Variants in PTPRQ observed in about 807,000 individuals in gnomAD.
PTPRQ encodes the protein phosphatidylinositol phosphatase PTPRQ.
A neutral mutation model predicts 246.0 loss-of-function variants in PTPRQ; 199 were observed. The ratio of observed to expected loss-of-function variants is 0.81; its 90% CI spans 0.72 to 0.91. The LOEUF is 0.91. Among genes scored for constraint, PTPRQ ranks in the 40% least tolerant of loss-of-function variants. The probability of loss-of-function intolerance (pLI) is 0.00; values close to 1 mark genes in which losing one functional copy is unlikely to be tolerated. For missense variants in PTPRQ, 2,624 were observed against 2,528.4 expected (o/e 1.04, Z -0.81); for synonymous variants, 869 against 853.2 (o/e 1.02, Z -0.32).
intron 25 of PTPRQ, among the ~76,000 whole-genome samples, chr12:80,568,454 T>G (rs1157609895): frequency 6.6e-6 from 1 of 152,184 alleles, no homozygotes; most frequent in Admixed American, 6.6e-5. Flanking sequence ...GTTTTGCTGT[T>G]TTTTACTTCC....
intron 25 of PTPRQ, among the ~76,000 whole-genome samples, chr12:80,572,495 C>T (rs1048234138): frequency 2.0e-5 from 3 of 151,880 alleles, no homozygotes; most frequent in African/African-American, 7.3e-5. Flanking sequence ...AACTCCATGA[C>T]TTTATTGTTT....
At chr12:80,458,695 T>A (rs1893053503) in intron 4 of PTPRQ, among the ~76,000 whole-genome samples, 3 of 152,100 alleles carry the variant, frequency 2.0e-5, no homozygotes, top group Admixed American at 6.6e-5. Context: ...TAATTCTAGC[T>A]TCATATTGGT....
intron 25 of PTPRQ, among the ~76,000 whole-genome samples, chr12:80,567,325 A>T (rs775050517): frequency 6.6e-6 from 1 of 152,188 alleles, no homozygotes; most frequent in Non-Finnish European, 1.5e-5. Context: ...GTACATTTTT[A>T]TGGGAAAGCT....
intron 8 of PTPRQ, among the ~76,000 whole-genome samples, chr12:80,475,907 A>G (rs1195604471): frequency 6.6e-6 from 1 of 152,122 alleles, no homozygotes; most frequent in Non-Finnish European, 1.5e-5. Context: ...AGTAAAATAT[A>G]TATAGTTTTC....
At chr12:80,661,012 G>A (rs1048369680) in intron 39 of PTPRQ, among the ~76,000 whole-genome samples, 5 of 151,744 alleles carry the variant, frequency 3.3e-5, no homozygotes, top group African/African-American at 7.3e-5. Context: ...TTAGTACCAC[G>A]TAAGGATGGA....
At chr12:80,662,437 C>G (rs1900662205) in intron 39 of PTPRQ, among the ~76,000 whole-genome samples, 1 of 151,892 alleles carries the variant, frequency 6.6e-6, no homozygotes. Flanking sequence ...ACATATGCTT[C>G]AGAGTTCAAA....
intron 41 of PTPRQ, 124 bp downstream of exon 41, chr12:80,669,588 G>T: frequency 7.5e-7 from 1 of 1,331,908 alleles, no homozygotes; most frequent in South Asian, 1.7e-5. Context: ...CAATGCTTTT[G>T]TATTGTCTTC....
intron 22 of PTPRQ, 49 bp from the exon 23 acceptor site, chr12:80,542,681 T>C: frequency 6.6e-7 from 1 of 1,506,310 alleles, no homozygotes; most frequent in Non-Finnish European, 8.8e-7. Flanking sequence ...GTGCTATTTT[T>C]ATGTTAAAAG....
chr12:80,592,218 T>A (rs1479866342), intron 26 of PTPRQ, among the ~76,000 whole-genome samples: 3 of 152,188 alleles, frequency 2.0e-5, no homozygotes, highest in Admixed American at 2.0e-4. Flanking sequence ...AAACATATGA[T>A]TGCATTCTCA....
chr12:80,677,663 G>T (rs1901189642), intron 43 of PTPRQ, among the ~76,000 whole-genome samples: 1 of 152,122 alleles, frequency 6.6e-6, no homozygotes, highest in African/African-American at 2.4e-5. Flanking sequence ...CAAAGAAATA[G>T]ATATTCCTAA....
At chr12:80,676,652 A>G (rs1350528502) in intron 43 of PTPRQ, among the ~76,000 whole-genome samples, 1 of 152,078 alleles carries the variant, frequency 6.6e-6, no homozygotes, top group East Asian at 1.9e-4. Flanking sequence ...AAACAACAAC[A>G]ACAACAAAAC....
chr12:80,655,017 T>G (rs1257451720), intron 38 of PTPRQ, among the ~76,000 whole-genome samples: 1 of 152,192 alleles, frequency 6.6e-6, no homozygotes, highest in East Asian at 1.9e-4. Context: ...AATCATTTAT[T>G]AAGATTTCAG....
intron 26 of PTPRQ, among the ~76,000 whole-genome samples, chr12:80,596,144 A>ATGTT: frequency 6.6e-6 from 1 of 152,144 alleles, no homozygotes; most frequent in Non-Finnish European, 1.5e-5. Context: ...GGGAAGAACA[A>ATGTT]TGTTTAAATT....
intron 14 of PTPRQ, among the ~76,000 whole-genome samples, chr12:80,501,255 T>C (rs1019501645): frequency 1.3e-5 from 2 of 151,894 alleles, no homozygotes; most frequent in Non-Finnish European, 2.9e-5. Context: ...TTTGGAGAAT[T>C]ATGGAATAGG....
In PTPRQ at chr12:80,546,623, G is replaced by T. The variant is rs370981623; in HGVS notation, c.3941G>T (p.Arg1314Leu). The T allele has an allele frequency of 6.4e-7, 1 of 1,551,168 alleles. No individual in the cohort carries two copies. Among genetic ancestry groups the T allele is most frequent in the African/African-American group, 1.4e-5 (1 of 72,988 alleles). Reference sequence around the variant, plus strand: ...GAACCAGTCAGCACCTACTCTATCCGTGTATCTGCGTTCACCAAAGTTGGA... The same window carrying T: ...GAACCAGTCAGCACCTACTCTATCCTTGTATCTGCGTTCACCAAAGTTGGA... ...GLEPVSTYSIRVSAFTKVGNG... is the reference protein window; with the variant it reads ...GLEPVSTYSILVSAFTKVGNG... The change falls in exon 24 of 45, where the codon CGT (arginine) becomes CTT (leucine). Residue 1314 changes from arginine (R) to leucine (L), a missense_variant. Transcript: ENST00000644991.
intron 17 of PTPRQ, among the ~76,000 whole-genome samples, chr12:80,520,528 A>G (rs1224256400): frequency 2.0e-5 from 2 of 100,326 alleles, no homozygotes; most frequent in African/African-American, 7.9e-5. Flanking sequence ...ACCCCACAAC[A>G]GGCCCCGGTG....
At chr12:80,447,428 T>G (rs538801525) in intron 3 of PTPRQ, among the ~76,000 whole-genome samples, 63 of 152,064 alleles carry the variant, frequency 4.1e-4, no homozygotes, top group Non-Finnish European at 9.0e-4. Flanking sequence ...CTATTTTAGT[T>G]TTTGTTGCAT....
intron 39 of PTPRQ, among the ~76,000 whole-genome samples, chr12:80,667,657 G>A (rs1430655640): frequency 1.3e-5 from 2 of 151,846 alleles, no homozygotes; most frequent in Non-Finnish European, 2.9e-5. Context: ...TTGATTCAGT[G>A]GAGAATGTGC....
intron 18 of PTPRQ, 108 bp from the exon 19 acceptor site, chr12:80,534,784 A>C: frequency 1.5e-6 from 2 of 1,361,468 alleles, no homozygotes; most frequent in South Asian, 3.2e-5. Context: ...CTTTTTTGAA[A>C]AACATTTTTT....
Sources: gnomAD v4.1 joint callset for allele counts (sites outside exome capture counted in the v4.1 genomes callset) on GRCh38, gnomAD v4.1.1 for gene constraint, MANE v1.5 for transcripts, NCBI Gene and HGNC (gene_info 2026-07-23, HGNC 2026-07-21) for gene names.